Variants in RABL6 observed in about 807,000 individuals in gnomAD.
The protein encoded by RABL6 is RAB, member RAS oncogene family like 6, also known as rab-like protein 6.
In RABL6, 28 loss-of-function variants were observed where a neutral mutation model predicts 72.9. That is an observed-to-expected ratio of 0.38 (90% CI 0.28 to 0.53). The LOEUF is 0.53. Among genes scored for constraint, RABL6 ranks in the 20% least tolerant of loss-of-function variants. RABL6 has a pLI of 0.80. For missense variants in RABL6, 1,029 were observed against 1,008.4 expected (o/e 1.02, Z -0.28); for synonymous variants, 477 against 421.2 (o/e 1.13, Z -1.62).
chr9:136,808,500 C>T (rs1016923032), intron 1 of RABL6, 174 bp downstream of exon 1: 4 of 608,782 alleles, frequency 6.6e-6, no homozygotes, highest in Non-Finnish European at 9.2e-6. Context: ...GAGGAGAGGC[C>T]AGGCCAGGGC....
intron 7 of RABL6, among the ~76,000 whole-genome samples, chr9:136,834,829 T>C (rs1424132040): frequency 6.6e-6 from 1 of 150,634 alleles, no homozygotes; most frequent in Non-Finnish European, 1.5e-5. Flanking sequence ...GGCTCACGCC[T>C]ATAATCCCAG....
rs796886142 is a variant in RABL6 at position 136,828,386 on chromosome 9, G to A, written c.314-108G>A. ...GCAGGCTGTTTGGGGTGGTGGAGTA[G>A]AGCACCCGCTGGAGCTGGGGGCTGA... On this transcript the variant is annotated intron_variant, in intron 3 of 14. Coordinates refer to ENST00000311502, the MANE Select transcript of RABL6 (RefSeq NM_024718.5). The A allele has an allele frequency of 5.3e-6, 6 of 1,126,790 alleles. No homozygotes were observed. In the African/African-American group the frequency reaches 7.7e-5, roughly 14 times the overall value. 69.8% of individuals were successfully genotyped at this position (1,126,790 alleles called of 1,614,324 possible).
chr9:136,810,282 A>G (rs890220058), intron 1 of RABL6, among the ~76,000 whole-genome samples: 10 of 152,104 alleles, frequency 6.6e-5, no homozygotes, highest in Non-Finnish European at 1.5e-4. Flanking sequence ...CACCAGGACC[A>G]CCCCTGTGTG....
chr9:136,833,683 C>T (rs1164963232), intron 7 of RABL6: 8 of 1,548,736 alleles, frequency 5.2e-6, no homozygotes, highest in Middle Eastern at 1.7e-4. Context: ...GGACCTGGGG[C>T]CCAGCTGCAG....
In RABL6 at chr9:136,831,854, C is replaced by T. The variant is rs747927959; in HGVS notation, c.592C>T (p.Leu198=). Residue 198 remains leucine, a synonymous_variant, in exon 6 of 15, where the codon CTG becomes TTG. Transcript: ENST00000311502. ...CGACGTGCGTGACTTCATCGACAAC[C>T]TGGACAGGTGGGTGCGGTGGCCCTG... The part of the protein sequence containing the change: ...PDDVRDFIDN[L]DRPPGSSYFR... The T allele has an allele frequency of 1.2e-6, 2 of 1,611,160 alleles. No homozygotes were observed. Among genetic ancestry groups the T allele is most frequent in the Non-Finnish European group, 1.7e-6 (2 of 1,178,708 alleles).
chr9:136,816,889 C>G (rs951935866), intron 1 of RABL6, among the ~76,000 whole-genome samples: 1 of 151,816 alleles, frequency 6.6e-6, no homozygotes, highest in African/African-American at 2.4e-5. Context: ...AATTTCATTT[C>G]AAGGGAGAGA....
chr9:136,813,261 C>A, intron 1 of RABL6: 1 of 559,682 alleles, frequency 1.8e-6, no homozygotes. Context: ...TTATCATCTT[C>A]AAATGAAGCG....
intron 10 of RABL6, 75 bp downstream of exon 10, chr9:136,838,090 C>A: frequency 6.6e-7 from 1 of 1,522,280 alleles, no homozygotes; most frequent in Non-Finnish European, 8.9e-7. Flanking sequence ...GTGGGGCTGG[C>A]TTTCTAGGGG....
chr9:136,831,236 G>A (rs1848466844), intron 5 of RABL6, among the ~76,000 whole-genome samples: 1 of 152,170 alleles, frequency 6.6e-6, no homozygotes, highest in African/African-American at 2.4e-5. Flanking sequence ...GCCAGGAGAT[G>A]TCTGCTTAAG....
At chr9:136,838,257 T>TG (rs747756253) in intron 10 of RABL6, among the ~76,000 whole-genome samples, 3 of 152,122 alleles carry the variant, frequency 2.0e-5, no homozygotes, top group Non-Finnish European at 2.9e-5. Flanking sequence ...AGGGGCACCT[T>TG]GGGGTCTTCT....
chr9:136,820,011 C>A (rs1392521005), intron 1 of RABL6, among the ~76,000 whole-genome samples: 1 of 151,930 alleles, frequency 6.6e-6, no homozygotes, highest in Non-Finnish European at 1.5e-5. Flanking sequence ...GAGACCAGCC[C>A]GGGCAAAATG....
Position 136,831,761 on chromosome 9 carries a change from A to G in RABL6, c.499A>G (p.Thr167Ala), listed in dbSNP as rs947893991. The G allele has an allele frequency of 9.3e-6, 15 of 1,613,286 alleles. No homozygotes were observed. Among genetic ancestry groups the G allele is most frequent in the Non-Finnish European group, 1.3e-5 (15 of 1,179,828 alleles). ...YILRELPKVP[T>A]HVPVCVLGNY... is the part of the protein sequence containing the mutation. ...TCTCCGGGAGCTTCCAAAAGTGCCC[A>G]CCCACGTGCCAGTGTGCGTGCTGGG... The change falls in exon 6 of 15, where the codon ACC becomes GCC. Residue 167 changes from threonine (T) to alanine (A), a missense_variant. Physicochemically the swap from Thr to Ala is moderately conservative, Grantham distance 58. Transcript: ENST00000311502.
At chr9:136,808,515 T>G in intron 1 of RABL6, 189 bp downstream of exon 1, 2 of 453,542 alleles carry the variant, frequency 4.4e-6, no homozygotes. Flanking sequence ...CAGGGCCGGG[T>G]CCTCGCGGCC....
At position 136,822,121 on chromosome 9, in the gene RABL6, C is replaced by A. The variant is rs1164207332; in HGVS notation, c.131-1404C>A. The A allele has an allele frequency of 9.5e-6, 12 of 1,262,868 alleles. No individual in the cohort carries two copies. In the East Asian group the frequency reaches 5.9e-4, roughly 62 times the overall value. The allele number at this position is 1,262,868 out of a possible 1,614,324, so 78.2% of individuals were successfully genotyped here. On this transcript the variant is annotated intron_variant, in intron 1 of 14. Transcript: ENST00000311502. ...GGAGCCGGGTGGGGCACAGGGACAG[C>A]CCAGGGTCCCTCAGAGCTTCGAGGC...
chr9:136,828,383 G>GT (rs1202551547), intron 3 of RABL6, 111 bp from the exon 4 acceptor site: 1 of 1,098,680 alleles, frequency 9.1e-7, no homozygotes, highest in Non-Finnish European at 1.4e-6. Context: ...GGGTGGTGGA[G>GT]TAGAGCACCC....
In RABL6 at chr9:136,840,746, T is replaced by C; in HGVS notation, c.*224T>C. ...TGCAAGAAGGGAGGGGACAGCTGGC[T>C]TCAGCCAGGCTCGGTGGACACCCTG... is the stretch of plus-strand genomic sequence containing the variant. On this transcript the variant is annotated 3_prime_UTR_variant, in exon 15 of 15. Transcript: ENST00000311502. The C allele has an allele frequency of 6.5e-7, 1 of 1,548,388 alleles. No individual in the cohort carries two copies. Among genetic ancestry groups the C allele is most frequent in the East Asian group, 2.4e-5 (1 of 40,890 alleles).
chr9:136,827,578 G>A (rs1003397246), intron 3 of RABL6: 1 of 152,456 alleles, frequency 6.6e-6, no homozygotes, highest in South Asian at 2.1e-4. Flanking sequence ...AGCCAGCAGT[G>A]CTGTGCTGTG....
intron 5 of RABL6, among the ~76,000 whole-genome samples, chr9:136,830,176 C>T (rs1168565826): frequency 6.6e-6 from 1 of 152,280 alleles, no homozygotes. Flanking sequence ...GGCATCTGCT[C>T]TTCCCAGCAG....
chr9:136,834,411 A>G, intron 7 of RABL6: 2 of 987,136 alleles, frequency 2.0e-6, no homozygotes, highest in Non-Finnish European at 2.4e-6. Context: ...TTTGGTTGAC[A>G]AGTCTGTAGA....
Sources: gnomAD v4.1 joint callset for allele counts (sites outside exome capture counted in the v4.1 genomes callset) on GRCh38, gnomAD v4.1.1 for gene constraint, MANE v1.5 for transcripts, NCBI Gene and HGNC (gene_info 2026-07-23, HGNC 2026-07-21) for gene names.